ZNF233: variants seen among roughly 807,000 people sequenced by gnomAD.
The protein encoded by ZNF233 is zinc finger protein 233.
Under a neutral mutation model 11.6 loss-of-function variants are expected in ZNF233, and 7 were observed. That is an observed-to-expected ratio of 0.60 (90% confidence interval 0.34 to 1.13). The LOEUF is 1.13. Among genes scored for constraint, ZNF233 ranks in the 50% most tolerant of loss-of-function variants. The probability of loss-of-function intolerance (pLI) is 0.03; values close to 1 mark genes in which losing one functional copy is unlikely to be tolerated. For synonymous variants in ZNF233, 226 were observed against 268.5 expected (o/e 0.84, Z 1.55); for missense variants, 711 against 785.5 (o/e 0.91, Z 1.13).
chr19:44,264,666 C>T (rs182715227), intron 2 of ZNF233, among the ~76,000 whole-genome samples: 41 of 152,186 alleles, frequency 2.7e-4, no homozygotes, highest in African/African-American at 9.1e-4. Flanking sequence ...TCTATTTCCC[C>T]CATACTATTT....
chr19:44,264,284 G>A (rs1315292946), intron 1 of ZNF233, 30 bp from the exon 2 acceptor site: 1 of 1,491,804 alleles, frequency 6.7e-7, no homozygotes, highest in Non-Finnish European at 9.3e-7. Context: ...GCTAGGGCCT[G>A]TTTCTCATGG....
chr19:44,274,743 C>T lies in ZNF233; in HGVS notation c.*70C>T. On this transcript the variant is annotated 3_prime_UTR_variant, in exon 5 of 5. Coordinates refer to ENST00000683810, the MANE Select transcript of ZNF233 (RefSeq NM_001207005.2). ...TTCAAGACTTAGACTTCCCATTTTC[C>T]TCAGAAAATCCACACAGCACAGAAT... The T allele has an allele frequency of 1.6e-6, 2 of 1,219,672 alleles. No homozygotes were observed. The highest frequency in any genetic ancestry group is 2.3e-6 in the Non-Finnish European group (2 of 883,204). 75.6% of individuals were successfully genotyped at this position (1,219,672 alleles called of 1,614,324 possible). A position where few individuals can be genotyped will look rare whatever the true frequency, so the allele number is the denominator to read the frequency against.
At chr19:44,265,309 GC>G (rs1339284945) in intron 2 of ZNF233, among the ~76,000 whole-genome samples, 1 of 151,120 alleles carries the variant, frequency 6.6e-6, no homozygotes, top group Non-Finnish European at 1.5e-5. Flanking sequence ...CCAGCTTGCT[GC>G]AAATGCCATT....
At chr19:44,267,351 C>CT (rs112959957) in intron 4 of ZNF233, 20,820 of 367,626 alleles carry the variant, frequency 0.057, 26 homozygotes, top group Middle Eastern at 0.064. Flanking sequence ...GCCAAGGGTG[C>CT]TTTTTTTTTT....
chr19:44,264,296 TTCTTTC>T lies in ZNF233; in HGVS notation c.-47-12_-47-7del. On this transcript the variant is annotated splice_polypyrimidine_tract_variant and intron_variant, in intron 1 of 4. Transcript: ENST00000683810. ...TGGGCTAGGGCCTGTTTCTCATGGC[TTCTTTC>T]TCTTTTCCCAGTTCTGCCTTCCCAG... 1 of 1,555,934 alleles carries T rather than the reference TTCTTTC, an allele frequency of 6.4e-7. No individual in the cohort carries two copies. Among genetic ancestry groups the T allele is most frequent in the Non-Finnish European group, 8.9e-7 (1 of 1,127,780 alleles).
At chr19:44,272,852 G>A (rs1480538578) in intron 4 of ZNF233, 47 bp from the exon 5 acceptor site, 1 of 1,323,048 alleles carries the variant, frequency 7.6e-7, no homozygotes, top group South Asian at 1.5e-5. Context: ...CTGAACAAAT[G>A]TTCAGTTGTC....
chr19:44,266,170 T>C (rs1283419319), intron 2 of ZNF233, 28 bp from the exon 3 acceptor site: 4 of 1,587,970 alleles, frequency 2.5e-6, no homozygotes, highest in African/African-American at 1.4e-5. Flanking sequence ...GGCCATAAGA[T>C]TGAGATTACA....
In ZNF233 at chr19:44,273,087, G is replaced by A. The variant is rs1975283898; in HGVS notation, c.427G>A (p.Val143Met). ...LLKQGDSPCQVWTGESSQVSE... is the reference protein window; with the variant it reads ...LLKQGDSPCQMWTGESSQVSE... The stretch of plus-strand genomic sequence containing the variant: ...AAAACAAGGTGATTCCCCCTGTCAG[G>A]TGTGGACAGGAGAATCTAGTCAGGT... Residue 143 changes from valine (V) to methionine (M), a missense_variant, in exon 5 of 5, where the codon GTG (valine) becomes ATG (methionine). Coordinates refer to ENST00000683810, the MANE Select transcript of ZNF233 (RefSeq NM_001207005.2). 2 of 1,613,970 alleles carry A rather than the reference G, an allele frequency of 1.2e-6. No individual in the cohort carries two copies. The highest frequency in any genetic ancestry group is 3.3e-5 in the Admixed American group (2 of 59,996).
rs139729302 is a variant in ZNF233 at position 44,263,536 on chromosome 19, C to G, written c.-47-778C>G. On this transcript the variant is annotated intron_variant, in intron 1 of 4. Transcript: ENST00000683810. Reference sequence around the variant, plus strand: ...GAGACACATTTTAAATTAGTATTTCCTTACGACAGTGAGCACGGGAAAGGG... The same window carrying G: ...GAGACACATTTTAAATTAGTATTTCGTTACGACAGTGAGCACGGGAAAGGG... Among the ~76,000 whole-genome samples the G allele has an allele frequency of 1.8e-3, 272 of 152,216 alleles. 2 individuals are homozygous for G. Among genetic ancestry groups the G allele is most frequent in the Middle Eastern group, 6.8e-3 (2 of 294 alleles).
intron 4 of ZNF233, among the ~76,000 whole-genome samples, chr19:44,272,314 T>C (rs1975257632): frequency 7.1e-6 from 1 of 141,590 alleles, no homozygotes; most frequent in Non-Finnish European, 1.5e-5. Flanking sequence ...CTCAGAATCA[T>C]GGTTACATTG....
Position 44,272,972 on chromosome 19 carries a change from ATGCT to A in ZNF233, c.313_316del (p.Cys105GlyfsTer11), listed in dbSNP as rs1425456852. 3 of 1,613,322 alleles carry A rather than the reference ATGCT, an allele frequency of 1.9e-6. No individual in the cohort carries two copies. In the South Asian group the frequency reaches 3.3e-5, roughly 18 times the overall value. On this transcript the variant is annotated frameshift_variant, in exon 5 of 5. Coordinates refer to ENST00000683810, the MANE Select transcript of ZNF233 (RefSeq NM_001207005.2). LOFTEE classifies it low-confidence loss of function (END_TRUNC). ...GATTCCTTTCATATGAAGACCTTAT[ATGCT>A]GGCAAATATGGGAACAATTTACAAG...
At position 44,266,299 on chromosome 19, in the gene ZNF233, G is replaced by C. The variant is rs372292049; in HGVS notation, c.117G>C (p.Glu39Asp). The change falls in exon 3 of 5, where the codon GAG (glutamate) becomes GAC (aspartate). Residue 39 changes from glutamate (E) to aspartate (D), a missense_variant. Transcript: ENST00000683810. ...QRKLYQDVML[E>D]NFRNLLSVGY... ...AGCTGTACCAAGATGTGATGCTGGA[G>C]AACTTCAGGAACCTGCTGTCAGTGG... The C allele has an allele frequency of 6.2e-7, 1 of 1,608,496 alleles. No individual in the cohort carries two copies. The highest frequency in any genetic ancestry group is 8.5e-7 in the Non-Finnish European group (1 of 1,176,928).
intron 1 of ZNF233, among the ~76,000 whole-genome samples, chr19:44,262,488 G>A (rs907377366): frequency 6.6e-6 from 1 of 152,178 alleles, no homozygotes; most frequent in Non-Finnish European, 1.5e-5. Context: ...ACTAAATGTC[G>A]TGAAATGTCA....
At chr19:44,260,059 C>T (rs925569265) in intron 1 of ZNF233, 121 bp downstream of exon 1, 30 of 355,626 alleles carry the variant, frequency 8.4e-5, no homozygotes, top group African/African-American at 6.3e-4. Context: ...CGACGGTTTG[C>T]TTGCCCTTTG....
Position 44,272,847 on chromosome 19 carries a change from C to A in ZNF233, c.239-52C>A, listed in dbSNP as rs971503181. ...TGTGAAATGTTTTTTTATTTCTGAACAAATGTTCAGTTGTCTTCATTTTCA... is the reference window on the plus strand; with the variant it reads ...TGTGAAATGTTTTTTTATTTCTGAAAAAATGTTCAGTTGTCTTCATTTTCA... On this transcript the variant is annotated intron_variant, in intron 4 of 4. Coordinates refer to ENST00000683810, the MANE Select transcript of ZNF233 (RefSeq NM_001207005.2). 3.1e-6 allele frequency: 4 copies of A among 1,288,314 alleles called. No individual in the cohort carries two copies. In the African/African-American group the frequency reaches 6.0e-5, roughly 19 times the overall value. 79.8% of individuals were successfully genotyped at this position (1,288,314 alleles called of 1,614,324 possible). A position where few individuals can be genotyped will look rare whatever the true frequency, so the allele number is the denominator to read the frequency against.
In ZNF233 at chr19:44,274,660, CAG is replaced by C. The variant is rs1299798630; in HGVS notation, c.2005_2006del (p.Pro670MetfsTer20). 6.9e-6 allele frequency: 11 copies of C among 1,600,212 alleles called. No homozygotes were observed. Among genetic ancestry groups the C allele is most frequent in the East Asian group, 6.7e-5 (3 of 44,662 alleles). The stretch of plus-strand genomic sequence containing the variant: ...AAGAGTTCGTTGTCTTCAGATTCAT[CAG>C]AGAGTCCATGATGGTGATGAATCTA... On this transcript the variant is annotated frameshift_variant, in exon 5 of 5. Coordinates refer to ENST00000683810, the MANE Select transcript of ZNF233 (RefSeq NM_001207005.2). LOFTEE classifies it high-confidence loss of function.
chr19:44,274,022 T>G lies in ZNF233; in HGVS notation c.1362T>G (p.Cys454Trp). 1.3e-6 allele frequency: 2 copies of G among 1,597,826 alleles called. No individual in the cohort carries two copies. The highest frequency in any genetic ancestry group is 1.7e-6 in the Non-Finnish European group (2 of 1,179,412). ...RVHTGEKPYK[C>W]EVCDKGFSKA... ...ACACTGGAGAGAAACCATATAAATG[T>G]GAGGTATGTGATAAGGGCTTCAGTA... Residue 454 changes from cysteine (C) to tryptophan (W), a missense_variant, in exon 5 of 5, where the codon TGT (cysteine) becomes TGG (tryptophan). Transcript: ENST00000683810.
chr19:44,267,205 T>G (rs1227544812), intron 4 of ZNF233: 1 of 437,980 alleles, frequency 2.3e-6, no homozygotes, highest in Non-Finnish European at 4.0e-6. Flanking sequence ...ATCTCACTCA[T>G]TAATTCCAAA....
At chr19:44,262,654 T>C (rs949036743) in intron 1 of ZNF233, among the ~76,000 whole-genome samples, 1 of 152,186 alleles carries the variant, frequency 6.6e-6, no homozygotes, top group African/African-American at 2.4e-5. Flanking sequence ...CTGCCTGAAG[T>C]AGGAGGACCC....
Sources: gnomAD v4.1 joint callset for allele counts (sites outside exome capture counted in the v4.1 genomes callset) on GRCh38, gnomAD v4.1.1 for gene constraint, MANE v1.5 for transcripts, NCBI Gene and HGNC (gene_info 2026-07-23, HGNC 2026-07-21) for gene names.